The following CTNNA2 variants were observed in gnomAD, a reference collection of about 807,000 sequenced individuals.
CTNNA2 encodes catenin alpha 2.
In CTNNA2, 42 loss-of-function variants were observed where a neutral mutation model predicts 101.0. That is an observed-to-expected ratio of 0.42 (90% CI 0.32 to 0.54). The LOEUF is 0.54. Among genes scored for constraint, CTNNA2 ranks in the 20% least tolerant of loss-of-function variants. CTNNA2 has a pLI of 0.14. For missense variants in CTNNA2, 871 were observed against 1,223.1 expected (o/e 0.71, Z 4.29); for synonymous variants, 450 against 456.4 (o/e 0.99, Z 0.18).
intron 9 of CTNNA2, among the ~76,000 whole-genome samples, chr2:80,504,346 T>C (rs1229931459): frequency 6.6e-6 from 1 of 152,234 alleles, no homozygotes; most frequent in East Asian, 1.9e-4. Flanking sequence ...AGCATGACTT[T>C]AATGCTTGAC....
chr2:79,384,624 A>T (rs1678077669), intron 4 of CTNNA2, among the ~76,000 whole-genome samples: 1 of 152,158 alleles, frequency 6.6e-6, no homozygotes. Flanking sequence ...AACTTAAAGG[A>T]TGTTACTTTG....
intron 4 of CTNNA2, among the ~76,000 whole-genome samples, chr2:79,428,636 G>A (rs1487066808): frequency 6.6e-6 from 1 of 151,996 alleles, no homozygotes; most frequent in African/African-American, 2.4e-5. Context: ...CAAGCTTTGG[G>A]CAAATGAAGT....
At chr2:80,146,709 G>GTTTTTTTT (rs1384506245) in intron 7 of CTNNA2, among the ~76,000 whole-genome samples, 1 of 70,464 alleles carries the variant, frequency 1.4e-5, no homozygotes, top group Non-Finnish European at 3.2e-5. Context: ...AGTCCCCTCT[G>GTTTTTTTT]GTTTTTTTTT....
rs143946071 is a variant in CTNNA2, at chr2:80,236,932, T to C, written c.1057-156279T>C. ...AGAAGGAAGCTTTTTCAAACCTCTG[T>C]TTTAAGAGGGAAAGCAAAGAGAAGG... On this transcript the variant is annotated intron_variant, in intron 7 of 18. Coordinates refer to ENST00000402739, the MANE Select transcript of CTNNA2 (RefSeq NM_001282597.3). Among the ~76,000 whole-genome samples the C allele has an allele frequency of 2.0e-3, 299 of 152,276 alleles. 3 individuals carry two copies. The highest frequency in any genetic ancestry group is 6.8e-3 in the Middle Eastern group (2 of 294).
At chr2:79,961,727 C>T (rs1315471082) in intron 7 of CTNNA2, among the ~76,000 whole-genome samples, 1 of 146,486 alleles carries the variant, frequency 6.8e-6, no homozygotes, top group East Asian at 2.0e-4. Flanking sequence ...GAGGCTGAGG[C>T]AAGAGAATGG....
chr2:79,506,421 G>A (rs1283428139), intron 5 of CTNNA2, among the ~76,000 whole-genome samples: 3 of 152,214 alleles, frequency 2.0e-5, no homozygotes, highest in Non-Finnish European at 2.9e-5. Flanking sequence ...TCAGAGTGCT[G>A]GGAAGAGCAG....
intron 16 of CTNNA2, among the ~76,000 whole-genome samples, 168 bp from the exon 17 acceptor site, chr2:80,608,016 A>C (rs1698165899): frequency 6.6e-6 from 1 of 151,922 alleles, no homozygotes; most frequent in African/African-American, 2.4e-5. Flanking sequence ...CAACCATTCT[A>C]AACTACAGTC....
At chr2:80,646,299 T>G (rs868866874) in intron 18 of CTNNA2, among the ~76,000 whole-genome samples, 1 of 152,158 alleles carries the variant, frequency 6.6e-6, no homozygotes, top group African/African-American at 2.4e-5. Flanking sequence ...AACAGCATAC[T>G]TAAGAACATC....
At chr2:80,382,328 C>A (rs1455611151) in intron 7 of CTNNA2, among the ~76,000 whole-genome samples, 4 of 151,750 alleles carry the variant, frequency 2.6e-5, no homozygotes, top group Non-Finnish European at 5.9e-5. Context: ...CTGACACTTT[C>A]CTATCCTTGG....
intron 4 of CTNNA2, among the ~76,000 whole-genome samples, chr2:79,447,854 T>A (rs1448736407): frequency 6.6e-6 from 1 of 152,044 alleles, no homozygotes; most frequent in African/African-American, 2.4e-5. Flanking sequence ...ACTTTTACCA[T>A]AAGAGTTTCT....
intron 2 of CTNNA2, among the ~76,000 whole-genome samples, chr2:79,716,026 GA>G (rs5832401): frequency 0.16 from 23,151 of 146,970 alleles, 1,987 homozygotes; most frequent in Middle Eastern, 0.24. Context: ...TATAAGGATT[GA>G]AAAAAAAAAG....
At chr2:79,601,437 C>G (rs532089793) in intron 1 of CTNNA2, among the ~76,000 whole-genome samples, 4 of 152,278 alleles carry the variant, frequency 2.6e-5, no homozygotes, top group South Asian at 2.1e-4. Context: ...GAGCTGGGCT[C>G]TCATACTCTG....
chr2:80,365,824 C>T (rs753910527), intron 7 of CTNNA2, among the ~76,000 whole-genome samples: 1 of 152,098 alleles, frequency 6.6e-6, no homozygotes, highest in Non-Finnish European at 1.5e-5. Flanking sequence ...ATTTATAAAA[C>T]AATTTCCCCC....
chr2:79,517,258 AT>A (rs1671856561), intron 1 of CTNNA2, among the ~76,000 whole-genome samples: 1 of 152,200 alleles, frequency 6.6e-6, no homozygotes, highest in South Asian at 2.1e-4. Flanking sequence ...GAATTCTTTT[AT>A]TCAAAAATGG....
At chr2:79,287,564 C>CTTGGGGGTCAGGGG (rs201633639) in intron 2 of CTNNA2, among the ~76,000 whole-genome samples, 13 of 143,872 alleles carry the variant, frequency 9.0e-5, no homozygotes, top group Non-Finnish European at 1.5e-4. Flanking sequence ...AGTTAGGCTG[C>CTTGGGGGTCAGGGG]TCAGGGGTCA....
At chr2:80,211,334 C>A (rs562710381) in intron 7 of CTNNA2, among the ~76,000 whole-genome samples, 1 of 152,092 alleles carries the variant, frequency 6.6e-6, no homozygotes, top group East Asian at 1.9e-4. Context: ...TTCTTTTAGG[C>A]TTTCTATGGT....
intron 7 of CTNNA2, among the ~76,000 whole-genome samples, chr2:80,341,238 C>T (rs928404830): frequency 6.6e-6 from 1 of 152,058 alleles, no homozygotes; most frequent in Admixed American, 6.5e-5. Context: ...CCTACCTCCT[C>T]CCCAGAGGTG....
intron 2 of CTNNA2, among the ~76,000 whole-genome samples, chr2:79,253,569 A>G (rs1200528160): frequency 6.6e-6 from 1 of 152,228 alleles, no homozygotes; most frequent in Non-Finnish European, 1.5e-5. Context: ...AAATCGGTTC[A>G]GCAGTGTCTA....
At chr2:80,044,113 C>T (rs1696359552) in intron 7 of CTNNA2, among the ~76,000 whole-genome samples, 1 of 152,178 alleles carries the variant, frequency 6.6e-6, no homozygotes, top group Admixed American at 6.5e-5. Flanking sequence ...AATTTAAAAT[C>T]TGTCCAGAGG....
Sources: allele counts gnomAD v4.1 joint callset (sites outside exome capture counted in the v4.1 genomes callset), GRCh38; gene constraint gnomAD v4.1.1; transcripts MANE v1.5; gene names NCBI Gene and HGNC (gene_info 2026-07-23, HGNC 2026-07-21).